The following CAPN8 variants were observed in gnomAD, a reference collection of about 807,000 sequenced individuals.
CAPN8 encodes the protein calpain 8.
In CAPN8, 87 loss-of-function variants were observed where a neutral mutation model predicts 80.9. The ratio of observed to expected loss-of-function variants is 1.07; its 90% CI spans 0.90 to 1.28. The LOEUF is 1.28. Among genes scored for constraint, CAPN8 ranks in the 50% most tolerant of loss-of-function variants. The pLI is 0.00. For synonymous variants in CAPN8, 299 were observed against 273.8 expected (o/e 1.09, Z -0.91); for missense variants, 757 against 702.0 (o/e 1.08, Z -0.89).
At chr1:223,633,729 G>C (rs1657838705) in intron 2 of CAPN8, among the ~76,000 whole-genome samples, 1 of 152,130 alleles carries the variant, frequency 6.6e-6, no homozygotes, top group Admixed American at 6.5e-5. Context: ...TGTTAAAAAA[G>C]AATCCCTTAA....
chr1:223,615,909 C>A (rs1452666130), intron 10 of CAPN8, 61 bp downstream of exon 10: 2 of 1,537,946 alleles, frequency 1.3e-6, no homozygotes, highest in South Asian at 1.2e-5. Flanking sequence ...AATGACTGGC[C>A]AAGATATTCA....
chr1:223,614,731 C>T (rs959990174), intron 10 of CAPN8, among the ~76,000 whole-genome samples: 1 of 152,158 alleles, frequency 6.6e-6, no homozygotes, highest in Admixed American at 6.5e-5. Context: ...TGATAATCCT[C>T]CATGTCCTCA....
At chr1:223,649,477 A>T (rs1658280544) in intron 2 of CAPN8, among the ~76,000 whole-genome samples, 1 of 152,202 alleles carries the variant, frequency 6.6e-6, no homozygotes, top group Non-Finnish European at 1.5e-5. Flanking sequence ...CTTCCAGGAC[A>T]TCCTTCCACT....
At chr1:223,656,901 G>T (rs1437629693) in intron 1 of CAPN8, among the ~76,000 whole-genome samples, 1 of 151,926 alleles carries the variant, frequency 6.6e-6, no homozygotes, top group South Asian at 2.1e-4. Flanking sequence ...AACCAGGATG[G>T]TCTCCATCTC....
intron 11 of CAPN8, among the ~76,000 whole-genome samples, chr1:223,610,774 G>T (rs770760005): frequency 6.6e-6 from 1 of 152,128 alleles, no homozygotes; most frequent in Non-Finnish European, 1.5e-5. Flanking sequence ...CCCCACATCT[G>T]CCCTTGACAT....
intron 6 of CAPN8, among the ~76,000 whole-genome samples, chr1:223,624,965 C>T (rs1241032467): frequency 3.3e-5 from 5 of 150,692 alleles, no homozygotes; most frequent in Admixed American, 2.6e-4. Flanking sequence ...TGGTGGCGGG[C>T]GCCTGTAGTC....
chr1:223,648,149 T>G (rs1429409332), intron 2 of CAPN8, among the ~76,000 whole-genome samples: 2 of 151,712 alleles, frequency 1.3e-5, no homozygotes, highest in Non-Finnish European at 2.9e-5. Context: ...GAAAGGAGAG[T>G]GGTGTTAGTG....
Position 223,542,498 on chromosome 1 carries a change from C to G in CAPN8, c.2088+610G>C, listed in dbSNP as rs142883462. Among the ~76,000 whole-genome samples the G allele has an allele frequency of 6.3e-3, 965 of 152,140 alleles. 12 individuals carry two copies. Among genetic ancestry groups the G allele is most frequent in the African/African-American group, 0.02 (850 of 41,504 alleles). On this transcript the variant is annotated intron_variant, in intron 20 of 20. Transcript: ENST00000366872. ...GTAAGCACAGACAATGGGGCACAGC[C>G]AGTAATAACCTGGCCCTCTAGTTCC...
chr1:223,549,600 T>C (rs1558336326), intron 15 of CAPN8: 2 of 724,490 alleles, frequency 2.8e-6, no homozygotes, highest in African/African-American at 3.5e-5. Flanking sequence ...AGCATCCAAG[T>C]ACAGCATCTG....
intron 15 of CAPN8, among the ~76,000 whole-genome samples, chr1:223,550,735 G>A (rs1026163104): frequency 6.7e-6 from 1 of 149,332 alleles, no homozygotes; most frequent in African/African-American, 2.4e-5. Flanking sequence ...GGTGCTGGCT[G>A]CTTGCCAGCA....
At position 223,645,441 on chromosome 1, in the gene CAPN8, A is replaced by C. The variant is rs142268274; in HGVS notation, c.307+8889T>G. Among the ~76,000 whole-genome samples the C allele has an allele frequency of 1.5e-3, 226 of 152,216 alleles. 1 individual carries two copies. Among genetic ancestry groups the C allele is most frequent in the African/African-American group, 5.3e-3 (220 of 41,524 alleles). On this transcript the variant is annotated intron_variant, in intron 2 of 20. Transcript: ENST00000366872. ...TCGGTATTAACCATCAGGCCCTCCA[A>C]CTCTGGATACCCAAGATCCAGCAGA...
At chr1:223,659,298 C>A (rs1046504996) in intron 1 of CAPN8, among the ~76,000 whole-genome samples, 5 of 152,138 alleles carry the variant, frequency 3.3e-5, no homozygotes, top group African/African-American at 1.2e-4. Flanking sequence ...GTTTTTAGAA[C>A]CCCCAGAGAT....
chr1:223,656,141 T>C (rs1658478900), intron 1 of CAPN8, among the ~76,000 whole-genome samples: 1 of 149,398 alleles, frequency 6.7e-6, no homozygotes, highest in Non-Finnish European at 1.5e-5. Context: ...CAGAAACAGC[T>C]CCTCTGGGCT....
intron 16 of CAPN8, among the ~76,000 whole-genome samples, chr1:223,548,953 GA>G (rs1218139612): frequency 1.4e-5 from 2 of 142,000 alleles, no homozygotes; most frequent in Non-Finnish European, 3.1e-5. Flanking sequence ...TGGGGGTGGG[GA>G]CGGGTAGAAT....
chr1:223,630,877 G>A (rs536915679), intron 2 of CAPN8, among the ~76,000 whole-genome samples: 1 of 152,216 alleles, frequency 6.6e-6, no homozygotes, highest in African/African-American at 2.4e-5. Flanking sequence ...AACTTCCAAA[G>A]GTTGAGCAAA....
intron 16 of CAPN8, among the ~76,000 whole-genome samples, chr1:223,545,753 C>T (rs1373756062): frequency 1.3e-5 from 2 of 151,780 alleles, no homozygotes; most frequent in African/African-American, 4.8e-5. Context: ...TGCTCATAGG[C>T]CACTATACAA....
chr1:223,615,196 T>C (rs539066877), intron 10 of CAPN8, among the ~76,000 whole-genome samples: 14 of 152,244 alleles, frequency 9.2e-5, no homozygotes, highest in Non-Finnish European at 1.8e-4. Context: ...TCTTCCTGAT[T>C]AGAATTGTAT....
chr1:223,643,816 C>A (rs187051339), intron 2 of CAPN8, among the ~76,000 whole-genome samples: 16 of 152,298 alleles, frequency 1.1e-4, no homozygotes, highest in African/African-American at 3.8e-4. Context: ...ATAATTCAGG[C>A]CCGGTGGGGG....
At chr1:223,634,159 T>C (rs1014961212) in intron 2 of CAPN8, among the ~76,000 whole-genome samples, 2 of 152,140 alleles carry the variant, frequency 1.3e-5, no homozygotes, top group Non-Finnish European at 2.9e-5. Flanking sequence ...TTATGTAAGA[T>C]TGAGCTGAGG....
Sources: allele counts gnomAD v4.1 joint callset (sites outside exome capture counted in the v4.1 genomes callset), GRCh38; gene constraint gnomAD v4.1.1; transcripts MANE v1.5; gene names NCBI Gene and HGNC (gene_info 2026-07-23, HGNC 2026-07-21).